Variants in TULP4 observed in about 807,000 individuals in gnomAD.
TULP4 encodes TUB like protein 4.
A neutral mutation model predicts 129.0 loss-of-function variants in TULP4; 16 were observed. The observed-to-expected ratio is 0.12, with a 90% confidence interval of 0.08 to 0.19. The LOEUF is 0.19. Ranked by LOEUF, TULP4 falls within the 10% of genes least tolerant of loss-of-function variation. The pLI, the probability that TULP4 is intolerant of heterozygous loss-of-function variation, is 1.00. For synonymous variants in TULP4, 998 were observed against 854.0 expected (o/e 1.17, Z -2.94); for missense variants, 1,842 against 2,059.1 (o/e 0.89, Z 2.04).
chr6:158,408,512 G>C (rs1778016332), intron 1 of TULP4, among the ~76,000 whole-genome samples: 2 of 152,096 alleles, frequency 1.3e-5, no homozygotes, highest in East Asian at 3.8e-4. Context: ...GGTGTGCCTG[G>C]CCCCGGTCTG....
chr6:158,346,252 C>G (rs1343520102), intron 1 of TULP4, among the ~76,000 whole-genome samples: 1 of 152,158 alleles, frequency 6.6e-6, no homozygotes, highest in African/African-American at 2.4e-5. Context: ...ACGAAGATAA[C>G]AGGATTAAGA....
chr6:158,397,756 A>G (rs1398022205), intron 1 of TULP4: 1 of 152,280 alleles, frequency 6.6e-6, no homozygotes, highest in African/African-American at 2.4e-5. Flanking sequence ...AAGCATGATT[A>G]AAAAATAAGC....
intron 5 of TULP4, among the ~76,000 whole-genome samples, chr6:158,458,416 C>T (rs573843959): frequency 2.0e-5 from 3 of 152,240 alleles, no homozygotes; most frequent in South Asian, 2.1e-4. Flanking sequence ...TTCCAGAGTA[C>T]GGACCTCTTG....
At chr6:158,380,894 C>CAAAAAAAAAAAAAAAA (rs1227720723) in intron 1 of TULP4, among the ~76,000 whole-genome samples, 1 of 72,252 alleles carries the variant, frequency 1.4e-5, no homozygotes, top group Non-Finnish European at 2.6e-5. Flanking sequence ...ACTCTGTCTC[C>CAAAAAAAAAAAAAAAA]AAAAAAAAAA....
intron 2 of TULP4, among the ~76,000 whole-genome samples, chr6:158,429,460 TG>T (rs1045322901): frequency 6.6e-5 from 10 of 152,204 alleles, no homozygotes; most frequent in African/African-American, 2.4e-4. Context: ...TTAAAATTTT[TG>T]TAGAGGTAGT....
At chr6:158,349,831 C>G (rs543762284) in intron 1 of TULP4, among the ~76,000 whole-genome samples, 8 of 130,608 alleles carry the variant, frequency 6.1e-5, no homozygotes, top group African/African-American at 2.4e-4. Context: ...CCAGATGGGG[C>G]GGCCGGGCAG....
intron 2 of TULP4, among the ~76,000 whole-genome samples, chr6:158,421,801 A>T (rs1017806610): frequency 4.6e-5 from 7 of 152,204 alleles, no homozygotes; most frequent in African/African-American, 1.7e-4. Context: ...GTTACGCCAG[A>T]GTGAGGTTGG....
chr6:158,451,264 GTTC>G (rs2115141838), intron 4 of TULP4, among the ~76,000 whole-genome samples: 1 of 152,254 alleles, frequency 6.6e-6, no homozygotes, highest in African/African-American at 2.4e-5. Flanking sequence ...GTGCAACAGG[GTTC>G]TTCTTAGTGG....
intron 1 of TULP4, among the ~76,000 whole-genome samples, chr6:158,305,528 T>C (rs925773638): frequency 6.6e-6 from 1 of 151,038 alleles, no homozygotes; most frequent in African/African-American, 2.4e-5. Context: ...AATAAGACCC[T>C]GTCTGTACCA....
At chr6:158,447,019 A>G (rs1779063222) in intron 3 of TULP4, among the ~76,000 whole-genome samples, 1 of 152,236 alleles carries the variant, frequency 6.6e-6, no homozygotes, top group African/African-American at 2.4e-5. Context: ...CATCGCCTCA[A>G]AAGTTTATAG....
chr6:158,252,840 A>T (rs749070933), intron 1 of TULP4, among the ~76,000 whole-genome samples: 61 of 152,122 alleles, frequency 4.0e-4, no homozygotes, highest in Non-Finnish European at 8.2e-4. Context: ...TCACTAATGT[A>T]CTTTTTCCAG....
intron 8 of TULP4, among the ~76,000 whole-genome samples, chr6:158,485,411 G>T (rs114969362): frequency 6.6e-6 from 1 of 152,146 alleles, no homozygotes; most frequent in Admixed American, 6.5e-5. Flanking sequence ...TTGATAAAGC[G>T]CTTATGAAAT....
chr6:158,253,193 T>C (rs984381315), intron 1 of TULP4, among the ~76,000 whole-genome samples: 3 of 152,210 alleles, frequency 2.0e-5, no homozygotes, highest in Non-Finnish European at 2.9e-5. Flanking sequence ...AATTAGGATA[T>C]GTTGTTGCTG....
chr6:158,487,773 A>G (rs1780106360), intron 8 of TULP4, among the ~76,000 whole-genome samples: 1 of 152,252 alleles, frequency 6.6e-6, no homozygotes, highest in African/African-American at 2.4e-5. Context: ...TGTAACACTG[A>G]ACAAGCAGGG....
chr6:158,325,587 C>T (rs1285831359), intron 1 of TULP4, among the ~76,000 whole-genome samples: 3 of 152,012 alleles, frequency 2.0e-5, no homozygotes, highest in Non-Finnish European at 4.4e-5. Context: ...CTCCTGACCT[C>T]GTGATCCGCC....
chr6:158,446,180 G>A (rs1779033846), intron 3 of TULP4, among the ~76,000 whole-genome samples: 1 of 152,152 alleles, frequency 6.6e-6, no homozygotes, highest in Non-Finnish European at 1.5e-5. Context: ...ACTTGTAATG[G>A]AAGAGATTTT....
intron 9 of TULP4, among the ~76,000 whole-genome samples, chr6:158,491,888 T>G (rs1780219412): frequency 6.6e-6 from 1 of 151,340 alleles, no homozygotes; most frequent in Non-Finnish European, 1.5e-5. Flanking sequence ...AGCTGGAGTC[T>G]TGCTCTGTCG....
intron 1 of TULP4, among the ~76,000 whole-genome samples, chr6:158,315,701 A>C (rs1779471471): frequency 6.6e-6 from 1 of 152,236 alleles, no homozygotes; most frequent in Non-Finnish European, 1.5e-5. Flanking sequence ...TATTGCTTAC[A>C]GTTCTGAAGA....
intron 1 of TULP4, among the ~76,000 whole-genome samples, chr6:158,337,524 T>C (rs1348654957): frequency 6.6e-6 from 1 of 152,210 alleles, no homozygotes; most frequent in Admixed American, 6.5e-5. Context: ...GGACTAAAAA[T>C]AGGTCCTCAA....
Sources: allele counts gnomAD v4.1 joint callset (sites outside exome capture counted in the v4.1 genomes callset), GRCh38; gene constraint gnomAD v4.1.1; transcripts MANE v1.5; gene names NCBI Gene and HGNC (gene_info 2026-07-23, HGNC 2026-07-21).